KIAA0825: variants seen among roughly 807,000 people sequenced by gnomAD.
The protein encoded by KIAA0825 is KIAA0825, also known as uncharacterized protein KIAA0825.
In KIAA0825, 119 loss-of-function variants were observed where a neutral mutation model predicts 147.6. The observed-to-expected ratio is 0.81, with a 90% CI of 0.69 to 0.94. The LOEUF (loss-of-function observed/expected upper bound fraction) is 0.94, where lower values mean the gene tolerates loss of function less well. Ranked by LOEUF, KIAA0825 falls within the 40% of genes least tolerant of loss-of-function variation. The pLI, the probability that KIAA0825 is intolerant of heterozygous loss-of-function variation, is 0.00. For synonymous variants in KIAA0825, 470 were observed against 518.1 expected (o/e 0.91, Z 1.26); for missense variants, 1,381 against 1,472.7 (o/e 0.94, Z 1.02).
At chr5:94,190,141 G>A (rs77397546) in intron 20 of KIAA0825, among the ~76,000 whole-genome samples, 2,806 of 152,074 alleles carry the variant, frequency 0.018, 93 homozygotes, top group African/African-American at 0.064. Flanking sequence ...CTGCAATCTT[G>A]CTAAATTTAT....
intron 2 of KIAA0825, among the ~76,000 whole-genome samples, chr5:94,555,305 G>A (rs1231998530): frequency 6.6e-6 from 1 of 151,832 alleles, no homozygotes; most frequent in African/African-American, 2.4e-5. Context: ...AGTCATATTA[G>A]GAAACAAAGA....
intron 2 of KIAA0825, among the ~76,000 whole-genome samples, chr5:94,556,903 T>C (rs1429648244): frequency 6.6e-6 from 1 of 152,202 alleles, no homozygotes; most frequent in Non-Finnish European, 1.5e-5. Flanking sequence ...AAAATATTTT[T>C]CAGTTCCTAT....
At chr5:94,404,586 A>C (rs1241242121) in intron 15 of KIAA0825, among the ~76,000 whole-genome samples, 2 of 152,192 alleles carry the variant, frequency 1.3e-5, no homozygotes, top group African/African-American at 4.8e-5. Context: ...CATAGGAAGA[A>C]TAGAGTAACA....
At chr5:94,534,237 AT>A (rs1472849178) in intron 3 of KIAA0825, among the ~76,000 whole-genome samples, 1 of 152,234 alleles carries the variant, frequency 6.6e-6, no homozygotes, top group Non-Finnish European at 1.5e-5. Flanking sequence ...TAAGTGTGGC[AT>A]AACTGATTCG....
At chr5:94,373,851 A>G (rs1043182938) in intron 20 of KIAA0825, among the ~76,000 whole-genome samples, 2 of 152,212 alleles carry the variant, frequency 1.3e-5, no homozygotes, top group Admixed American at 6.5e-5. Flanking sequence ...TAATTGTCAC[A>G]GTAAAAATAT....
chr5:94,514,218 T>A (rs966850020), intron 5 of KIAA0825, among the ~76,000 whole-genome samples: 1 of 152,180 alleles, frequency 6.6e-6, no homozygotes, highest in Non-Finnish European at 1.5e-5. Flanking sequence ...AAATGGTATA[T>A]GTAACCAGGT....
chr5:94,339,964 G>A (rs182448941), intron 20 of KIAA0825, among the ~76,000 whole-genome samples: 20 of 152,258 alleles, frequency 1.3e-4, no homozygotes, highest in African/African-American at 4.6e-4. Context: ...ATGGGTTAAA[G>A]AAAGCATTCC....
At chr5:94,237,726 G>A (rs527828532) in intron 20 of KIAA0825, among the ~76,000 whole-genome samples, 7 of 152,204 alleles carry the variant, frequency 4.6e-5, no homozygotes, top group East Asian at 1.9e-4. Context: ...TGCTTTGCCC[G>A]TAATAGGTAC....
At chr5:94,502,973 G>A (rs1342741693) in intron 5 of KIAA0825, among the ~76,000 whole-genome samples, 1 of 151,638 alleles carries the variant, frequency 6.6e-6, no homozygotes, top group East Asian at 1.9e-4. Flanking sequence ...GCTGGGCATG[G>A]TGGTGGGCGC....
chr5:94,478,958 T>TCCTTC (rs1171945364), intron 6 of KIAA0825, among the ~76,000 whole-genome samples: 4 of 152,156 alleles, frequency 2.6e-5, no homozygotes, highest in African/African-American at 9.7e-5. Flanking sequence ...TAGCAAAGTT[T>TCCTTC]CCAGTTTACA....
At chr5:94,433,604 CTTT>C (rs1324674565) in intron 14 of KIAA0825, among the ~76,000 whole-genome samples, 1 of 152,152 alleles carries the variant, frequency 6.6e-6, no homozygotes, top group Non-Finnish European at 1.5e-5. Context: ...TCAAATCCTT[CTTT>C]GTCATTTACT....
At position 94,396,113 on chromosome 5, in the gene KIAA0825, A is replaced by G; in HGVS notation, c.3284T>C (p.Leu1095Pro). The G allele has an allele frequency of 1.3e-6, 2 of 1,482,064 alleles. No homozygotes were observed. The highest frequency in any genetic ancestry group is 1.8e-6 in the Non-Finnish European group (2 of 1,116,726). 91.8% of individuals were successfully genotyped at this position (1,482,064 alleles called of 1,614,324 possible). ...AACATCACTTTACCATTCAGTGCTC[A>G]GTTTCCTTGCTTTCAACAATTGACG... ...IERQLLKARK[L>P]STECAFMTIE... is the part of the protein sequence containing the mutation. The change falls in exon 17 of 21, where the codon CTG becomes CCG. Residue 1095 changes from leucine (L) to proline (P), a missense_variant. Physicochemically the swap from Leu to Pro is moderately conservative, Grantham distance 98 (BLOSUM62 -3). Transcript: ENST00000682413.
intron 20 of KIAA0825, among the ~76,000 whole-genome samples, chr5:94,199,602 C>T (rs1771471705): frequency 6.6e-6 from 1 of 152,070 alleles, no homozygotes; most frequent in Non-Finnish European, 1.5e-5. Context: ...GGGGACCACA[C>T]ACACGTACAA....
Position 94,179,866 on chromosome 5 carries a change from A to T in KIAA0825, c.3711-25742T>A, listed in dbSNP as rs1769442651. On this transcript the variant is annotated intron_variant, in intron 20 of 20. Transcript: ENST00000682413. ...TATACATGAATCCATACTAATATAA[A>T]TAATAACTGAGTAAATTGGGGAGAA... Among the ~76,000 whole-genome samples, 5 of 152,150 alleles carry T rather than the reference A, an allele frequency of 3.3e-5. No individual in the cohort carries two copies. In the South Asian group the frequency reaches 1.0e-3, roughly 32 times the overall value.
intron 20 of KIAA0825, among the ~76,000 whole-genome samples, chr5:94,291,137 T>A (rs1414208363): frequency 3.3e-5 from 5 of 152,218 alleles, no homozygotes; most frequent in Non-Finnish European, 5.9e-5. Context: ...TTTAATTAGA[T>A]CCCATTTGTC....
At chr5:94,297,424 C>CA (rs897063982) in intron 20 of KIAA0825, among the ~76,000 whole-genome samples, 4 of 151,944 alleles carry the variant, frequency 2.6e-5, no homozygotes, top group African/African-American at 7.3e-5. Flanking sequence ...TTTCCTTTTC[C>CA]AAAAAATACA....
intron 20 of KIAA0825, among the ~76,000 whole-genome samples, chr5:94,377,230 C>T (rs1326096914): frequency 1.3e-5 from 2 of 152,216 alleles, no homozygotes; most frequent in Admixed American, 6.5e-5. Flanking sequence ...ACCCCTTCTG[C>T]TGTTCCTGCC....
intron 20 of KIAA0825, among the ~76,000 whole-genome samples, chr5:94,198,017 G>C (rs1401479738): frequency 6.6e-6 from 1 of 152,124 alleles, no homozygotes; most frequent in African/African-American, 2.4e-5. Flanking sequence ...AAATGACATT[G>C]GTAGTTTGAC....
At chr5:94,204,746 A>C (rs1255555326) in intron 20 of KIAA0825, among the ~76,000 whole-genome samples, 1 of 152,146 alleles carries the variant, frequency 6.6e-6, no homozygotes, top group Non-Finnish European at 1.5e-5. Flanking sequence ...CTCTGACTAA[A>C]CTGTTCATAT....
Sources: allele counts gnomAD v4.1 joint callset (sites outside exome capture counted in the v4.1 genomes callset), GRCh38; gene constraint gnomAD v4.1.1; transcripts MANE v1.5; gene names NCBI Gene and HGNC (gene_info 2026-07-23, HGNC 2026-07-21).